Variants in RBFOX3 observed in about 807,000 individuals in gnomAD.
RBFOX3 encodes RNA binding protein fox-1 homolog 3.
In RBFOX3, 17 loss-of-function variants were observed where a neutral mutation model predicts 48.7. The ratio of observed to expected loss-of-function variants is 0.35; its 90% CI spans 0.24 to 0.52. The LOEUF (loss-of-function observed/expected upper bound fraction) is 0.52, where lower values mean the gene tolerates loss of function less well. Ranked by LOEUF, RBFOX3 falls within the 20% of genes least tolerant of loss-of-function variation. The pLI, the probability that RBFOX3 is intolerant of heterozygous loss-of-function variation, is 0.94. For missense variants in RBFOX3, 382 were observed against 497.5 expected (o/e 0.77, Z 2.21); for synonymous variants, 212 against 209.5 (o/e 1.01, Z -0.10).
the RBFOX3 span, among the ~76,000 whole-genome samples, chr17:79,655,424 A>G: frequency 1.3e-5 from 2 of 152,208 alleles, no homozygotes; most frequent in African/African-American, 4.8e-5. Flanking sequence ...GTAACTGTCA[A>G]ATAGAAAGTC....
intron 13 of RBFOX3, 71 bp downstream of exon 13, chr17:79,095,442 C>G: frequency 2.1e-6 from 3 of 1,407,790 alleles, no homozygotes; most frequent in Non-Finnish European, 2.9e-6. Context: ...CTGTCTGGGC[C>G]CAGCTCCCCA....
chr17:79,626,644 C>T, the RBFOX3 span, among the ~76,000 whole-genome samples: 2 of 152,228 alleles, frequency 1.3e-5, no homozygotes, highest in Non-Finnish European at 2.9e-5. Flanking sequence ...ACTACTCTCC[C>T]ACCGATGGGA....
chr17:79,138,954 C>CCACCCCCTCA (rs2041257280), intron 4 of RBFOX3, among the ~76,000 whole-genome samples: 1 of 126,022 alleles, frequency 7.9e-6, no homozygotes, highest in African/African-American at 3.4e-5. Flanking sequence ...CCCCTCAGCC[C>CCACCCCCTCA]CACACATGCA....
chr17:79,468,977 TGG>T (rs1568305030), intron 2 of RBFOX3, among the ~76,000 whole-genome samples: 27,148 of 149,972 alleles, frequency 0.18, 3,051 homozygotes, highest in Admixed American at 0.25. Flanking sequence ...GATGGATGGA[TGG>T]ATGGATGGAT....
chr17:79,592,097 ATGTG>A (rs1375477066), intron 1 of RBFOX3, among the ~76,000 whole-genome samples: 1 of 145,972 alleles, frequency 6.9e-6, no homozygotes, highest in Non-Finnish European at 1.5e-5. Context: ...ATATGCATGC[ATGTG>A]TGTGTGTGTA....
At chr17:79,652,839 G>T in the RBFOX3 span, among the ~76,000 whole-genome samples, 144 of 152,042 alleles carry the variant, frequency 9.5e-4, no homozygotes, top group Non-Finnish European at 1.6e-3. Context: ...GAACTGAAAG[G>T]CATTAAGTCT....
chr17:79,599,753 T>C (rs2093659887), intron 1 of RBFOX3: 2 of 152,218 alleles, frequency 1.3e-5, no homozygotes, highest in Admixed American at 1.3e-4. Flanking sequence ...TTGGCACACA[T>C]AATTGTAGTA....
intron 3 of RBFOX3, among the ~76,000 whole-genome samples, chr17:79,274,065 G>T (rs1365818248): frequency 6.6e-6 from 1 of 152,196 alleles, no homozygotes; most frequent in Non-Finnish European, 1.5e-5. Flanking sequence ...GGCAGGGGCG[G>T]ACGCTGACCC....
intron 2 of RBFOX3, among the ~76,000 whole-genome samples, chr17:79,400,976 G>T (rs1263780708): frequency 1.3e-5 from 2 of 152,146 alleles, no homozygotes; most frequent in Non-Finnish European, 2.9e-5. Context: ...ATCCTCCTCC[G>T]AACAAAAACG....
intron 2 of RBFOX3, among the ~76,000 whole-genome samples, chr17:79,475,720 C>A (rs962125193): frequency 1.7e-4 from 26 of 152,254 alleles, no homozygotes; most frequent in African/African-American, 6.3e-4. Context: ...AGGTCGTGCG[C>A]GACAGGATAC....
chr17:79,342,578 C>T (rs2082273471), intron 2 of RBFOX3, among the ~76,000 whole-genome samples: 1 of 152,206 alleles, frequency 6.6e-6, no homozygotes, highest in Non-Finnish European at 1.5e-5. Flanking sequence ...AGCGGCTCAA[C>T]CTGGGTGTTC....
chr17:79,316,781 T>C lies in RBFOX3; in HGVS notation c.-174-8957A>G, dbSNP rs77342329. Among the ~76,000 whole-genome samples, 1,363 of 152,368 alleles carry C rather than the reference T, an allele frequency of 8.9e-3. 19 individuals are homozygous for C. Among genetic ancestry groups the C allele is most frequent in the African/African-American group, 0.031 (1,278 of 41,580 alleles). On this transcript the variant is annotated intron_variant, in intron 2 of 14. Transcript: ENST00000693108. ...TTTCAGATAACAGATAATGTTTTCA[T>C]TGTTTTAGTATAAGTTCATACCATG... is the stretch of plus-strand genomic sequence containing the variant.
chr17:79,626,374 G>A, the RBFOX3 span, among the ~76,000 whole-genome samples: 12 of 152,224 alleles, frequency 7.9e-5, no homozygotes, highest in Admixed American at 1.3e-4. Context: ...GCTAGGGCAG[G>A]ATGCTGTCTC....
At chr17:79,093,826 C>CACACACAG (rs1555681688) in intron 14 of RBFOX3, among the ~76,000 whole-genome samples, 1 of 147,236 alleles carries the variant, frequency 6.8e-6, no homozygotes, top group Non-Finnish European at 1.5e-5. Context: ...CACACACACA[C>CACACACAG]AGAGACACGC....
In RBFOX3 at chr17:79,103,350, AG is replaced by A; in HGVS notation, c.415-97del. The A allele has an allele frequency of 1.5e-6, 1 of 674,698 alleles. No homozygotes were observed. The highest frequency in any genetic ancestry group is 2.6e-6 in the Non-Finnish European group (1 of 377,950). 41.8% of individuals were successfully genotyped at this position (674,698 alleles called of 1,614,324 possible). A position where few individuals can be genotyped will look rare whatever the true frequency, so the allele number is the denominator to read the frequency against. On this transcript the variant is annotated intron_variant, in intron 7 of 14. Transcript: ENST00000693108. The surrounding 1 kb of genome is among the most constrained non-coding windows in gnomAD (Gnocchi z 6.1). ...GGAAGAAGAGGAGTGGGAGGGGGGC[AG>A]GGGAGTGGGGAGAGAGAGAGAAGGG... is the stretch of plus-strand genomic sequence containing the variant.
chr17:79,521,220 ACACACACACACATTCTCATGCCCAGG>A (rs2086024801), intron 1 of RBFOX3, among the ~76,000 whole-genome samples: 2 of 151,812 alleles, frequency 1.3e-5, no homozygotes, highest in African/African-American at 2.4e-5. Context: ...ACGCTCAGAC[ACACACACACACATTCTCATGCCCAGG>A]CACACACACA....
At chr17:79,176,677 T>TA (rs2050618984) in intron 4 of RBFOX3, among the ~76,000 whole-genome samples, 1 of 151,928 alleles carries the variant, frequency 6.6e-6, no homozygotes, top group South Asian at 2.1e-4. Context: ...GGGGCCTAGT[T>TA]AGAGCCTGGG....
intron 2 of RBFOX3, among the ~76,000 whole-genome samples, chr17:79,341,710 G>A (rs80060536): frequency 6.2e-4 from 92 of 148,754 alleles, no homozygotes; most frequent in African/African-American, 2.1e-3. Flanking sequence ...GCCAGGGAGC[G>A]TCTCCCTTGC....
At chr17:79,208,814 C>G (rs2057916672) in intron 4 of RBFOX3, among the ~76,000 whole-genome samples, 1 of 151,174 alleles carries the variant, frequency 6.6e-6, no homozygotes, top group African/African-American at 2.4e-5. Context: ...CTCTTTCTCT[C>G]TTTCTTTTTT....
Sources: gnomAD v4.1 joint callset for allele counts (sites outside exome capture counted in the v4.1 genomes callset) on GRCh38, gnomAD v4.1.1 for gene constraint, Gnocchi (gnomAD v3.1) non-coding constraint, MANE v1.5 for transcripts, NCBI Gene and HGNC (gene_info 2026-07-23, HGNC 2026-07-21) for gene names.